Variants in LARGE1 observed in about 807,000 individuals in gnomAD.
The protein encoded by LARGE1 is LARGE xylosyl- and glucuronyltransferase 1.
LARGE1 carries 43 observed loss-of-function variants against 87.6 expected under a neutral mutation model. The observed-to-expected ratio is 0.49, with a 90% CI of 0.38 to 0.63. The LOEUF (loss-of-function observed/expected upper bound fraction) is 0.63, where lower values mean the gene tolerates loss of function less well. LARGE1 is among the 30% of genes least tolerant of loss of function. LARGE1 has a pLI of 0.00. For missense variants in LARGE1, 802 were observed against 1,000.2 expected (o/e 0.80, Z 2.67); for synonymous variants, 434 against 394.6 (o/e 1.10, Z -1.18).
At chr22:33,151,587 G>C in the LARGE1 span, among the ~76,000 whole-genome samples, 1 of 152,070 alleles carries the variant, frequency 6.6e-6, no homozygotes, top group East Asian at 1.9e-4. Context: ...TTTTGTTGTT[G>C]TTGATACTCT....
chr22:33,614,980 C>G (rs1423547784), intron 4 of LARGE1, among the ~76,000 whole-genome samples: 1 of 152,196 alleles, frequency 6.6e-6, no homozygotes, highest in East Asian at 1.9e-4. Context: ...CGCTTCACCC[C>G]GCTAACTGCG....
intron 6 of LARGE1, among the ~76,000 whole-genome samples, chr22:33,456,254 T>C (rs952231363): frequency 2.0e-5 from 3 of 152,174 alleles, no homozygotes; most frequent in Non-Finnish European, 4.4e-5. Context: ...CTGCCAATTA[T>C]TGCATAGCTG....
chr22:33,628,282 G>A (rs2079990751), intron 3 of LARGE1, among the ~76,000 whole-genome samples: 2 of 150,840 alleles, frequency 1.3e-5, no homozygotes, highest in Admixed American at 6.6e-5. Context: ...CAGGCTTAGA[G>A]AATTGGGATT....
At chr22:33,183,636 A>ATG (rs1555880699) in intron 11 of LARGE1, among the ~76,000 whole-genome samples, 3 of 150,146 alleles carry the variant, frequency 2.0e-5, no homozygotes, top group Admixed American at 1.3e-4. Flanking sequence ...ACACACACAC[A>ATG]CACACACACA....
intron 4 of LARGE1, among the ~76,000 whole-genome samples, chr22:33,625,531 C>T (rs1352473038): frequency 6.6e-6 from 1 of 152,092 alleles, no homozygotes; most frequent in Non-Finnish European, 1.5e-5. Context: ...CAGAAATGCC[C>T]AAAAGTGGGA....
intron 6 of LARGE1, among the ~76,000 whole-genome samples, chr22:33,515,489 T>C (rs2071262079): frequency 6.6e-6 from 1 of 152,194 alleles, no homozygotes; most frequent in Non-Finnish European, 1.5e-5. Context: ...TGGCACTTGG[T>C]ATGTGTTTGT....
chr22:33,742,868 A>G (rs772430029), intron 2 of LARGE1, among the ~76,000 whole-genome samples: 6 of 151,954 alleles, frequency 3.9e-5, no homozygotes, highest in Non-Finnish European at 7.4e-5. Context: ...AAGAGTTCCA[A>G]CACCCAGTGA....
chr22:33,491,585 G>C (rs2069843522), intron 6 of LARGE1, among the ~76,000 whole-genome samples: 1 of 152,214 alleles, frequency 6.6e-6, no homozygotes, highest in African/African-American at 2.4e-5. Flanking sequence ...AATGTTGGTT[G>C]CCTGGATTTC....
In LARGE1 at chr22:33,490,786, G is replaced by C. The variant is rs188479003; in HGVS notation, c.788-58521C>G. ...CAAATATGGTGGAGATGCTTTGTCT[G>C]CAAAACCCACAGGACTGACACTTTA... On this transcript the variant is annotated intron_variant, in intron 6 of 14. Transcript: ENST00000397394. 1.9e-3 allele frequency among the ~76,000 whole-genome samples: 283 copies of C among 152,304 alleles called. 4 individuals are homozygous for C. Among genetic ancestry groups the C allele is most frequent in the African/African-American group, 6.5e-3 (271 of 41,576 alleles).
chr22:33,787,891 T>C (rs2085701739), intron 1 of LARGE1, among the ~76,000 whole-genome samples: 1 of 152,220 alleles, frequency 6.6e-6, no homozygotes, highest in Admixed American at 6.5e-5. Flanking sequence ...TTATAGAGAA[T>C]GACATAAACT....
intron 6 of LARGE1, among the ~76,000 whole-genome samples, chr22:33,453,889 T>A (rs772793739): frequency 2.6e-5 from 4 of 152,228 alleles, no homozygotes; most frequent in Non-Finnish European, 5.9e-5. Context: ...CCAGAGGCTG[T>A]TTTATTTGAA....
At chr22:33,715,877 C>T (rs754507306) in intron 2 of LARGE1, among the ~76,000 whole-genome samples, 10 of 152,318 alleles carry the variant, frequency 6.6e-5, no homozygotes, top group South Asian at 2.1e-4. Context: ...CAGCTGACAA[C>T]GGCTTTCCTT....
At chr22:33,448,399 TTTTA>T (rs1175193777) in intron 6 of LARGE1, among the ~76,000 whole-genome samples, 1 of 152,216 alleles carries the variant, frequency 6.6e-6, no homozygotes, top group East Asian at 1.9e-4. Flanking sequence ...GTATATACAA[TTTTA>T]TTTGTTAATT....
chr22:33,471,684 G>A (rs1349863587), intron 6 of LARGE1, among the ~76,000 whole-genome samples: 1 of 152,106 alleles, frequency 6.6e-6, no homozygotes, highest in African/African-American at 2.4e-5. Flanking sequence ...TCCTCCCCAG[G>A]TGCCAAAGTA....
intron 1 of LARGE1, among the ~76,000 whole-genome samples, chr22:33,824,357 C>G (rs1177416011): frequency 1.3e-5 from 2 of 152,128 alleles, no homozygotes; most frequent in Admixed American, 6.6e-5. Context: ...AGCAAGCATG[C>G]CTTCACATGG....
intron 6 of LARGE1, among the ~76,000 whole-genome samples, chr22:33,535,830 C>A (rs1225258928): frequency 1.3e-5 from 2 of 152,160 alleles, no homozygotes; most frequent in African/African-American, 4.8e-5. Context: ...CCCGTCCCAT[C>A]TGTATTTTCA....
At chr22:33,391,286 A>G (rs5998906) in intron 7 of LARGE1, among the ~76,000 whole-genome samples, 51,131 of 151,904 alleles carry the variant, frequency 0.34, 10,031 homozygotes, top group African/African-American at 0.54. Flanking sequence ...TTTTTAAAAC[A>G]CAGTCCTTGT....
intron 11 of LARGE1, among the ~76,000 whole-genome samples, chr22:33,255,189 C>A (rs111629070): frequency 0.058 from 8,857 of 152,210 alleles, 855 homozygotes; most frequent in African/African-American, 0.2. Context: ...CCGCCTGCCT[C>A]GGCCTCCCAA....
intron 11 of LARGE1, among the ~76,000 whole-genome samples, chr22:33,175,144 C>A (rs963768174): frequency 6.6e-6 from 1 of 152,074 alleles, no homozygotes; most frequent in Non-Finnish European, 1.5e-5. Context: ...ATGATCAAGT[C>A]GGCTTCACCC....
Sources: allele counts gnomAD v4.1 joint callset (sites outside exome capture counted in the v4.1 genomes callset), GRCh38; gene constraint gnomAD v4.1.1; transcripts MANE v1.5; gene names NCBI Gene and HGNC (gene_info 2026-07-23, HGNC 2026-07-21).